Variants in SPG21 observed in about 807,000 individuals in gnomAD.
SPG21 encodes the protein SPG21 abhydrolase domain containing, maspardin.
In SPG21, 26 loss-of-function variants were observed where a neutral mutation model predicts 38.9. The observed-to-expected ratio is 0.67, with a 90% CI of 0.49 to 0.93. The LOEUF (loss-of-function observed/expected upper bound fraction) is 0.93. Ranked by LOEUF, SPG21 falls within the 40% of genes least tolerant of loss-of-function variation. The pLI is 0.00. For missense variants in SPG21, 333 were observed against 376.5 expected (o/e 0.88, Z 0.96); for synonymous variants, 136 against 128.9 (o/e 1.05, Z -0.37).
chr15:64,986,853 A>T (rs1199696885), intron 1 of SPG21, among the ~76,000 whole-genome samples: 1 of 152,236 alleles, frequency 6.6e-6, no homozygotes, highest in Non-Finnish European at 1.5e-5. Flanking sequence ...GACTTGAAAT[A>T]CTTCTATATC....
chr15:64,966,694 T>A (rs1395327760), intron 7 of SPG21, among the ~76,000 whole-genome samples: 1 of 151,950 alleles, frequency 6.6e-6, no homozygotes, highest in East Asian at 1.9e-4. Context: ...GGTCAGGAGA[T>A]CGAGACCATC....
At chr15:64,983,466 C>T (rs781107044) in intron 2 of SPG21, 41 bp downstream of exon 2, 5 of 1,379,534 alleles carry the variant, frequency 3.6e-6, no homozygotes, top group East Asian at 2.4e-5. Context: ...AAAAACAATA[C>T]AAGATTTTGC....
Position 64,981,007 on chromosome 15 carries a change from C to T in SPG21, c.82G>A (p.Asp28Asn). The T allele has an allele frequency of 1.2e-6, 2 of 1,614,134 alleles. No homozygotes were observed. The highest frequency in any genetic ancestry group is 1.7e-6 in the Non-Finnish European group (2 of 1,180,020). The change falls in exon 3 of 9, where the codon GAC (aspartate) becomes AAC (asparagine). Residue 28 changes from aspartate (D) to asparagine (N), a missense_variant. Physicochemically the swap from Asp to Asn is conservative, Grantham distance 23. Transcript: ENST00000204566. Reference sequence around the variant, plus strand: ...TCATAGAGCGACCATATCTTACTGTCATCATCATCCACAATAATCTGGAGG... The same window carrying T: ...TCATAGAGCGACCATATCTTACTGTTATCATCATCCACAATAATCTGGAGG... Reference protein sequence around the residue: ...PLKKIIVDDDDSKIWSLYDAG... With the variant: ...PLKKIIVDDDNSKIWSLYDAG...
In SPG21 at chr15:64,970,260, G is replaced by C. The variant is rs778745514; in HGVS notation, c.453-38C>G. ...AAGACCTTATAATTTAAACTTCCAAGACTACACATGGCAAATATTCATTCA... is the reference window on the plus strand; with the variant it reads ...AAGACCTTATAATTTAAACTTCCAACACTACACATGGCAAATATTCATTCA... On this transcript the variant is annotated intron_variant, in intron 5 of 8. Transcript: ENST00000204566. 2.0e-6 allele frequency: 3 copies of C among 1,487,678 alleles called. No individual in the cohort carries two copies. The Admixed American group carries it at 5.0e-5, about 25-fold the overall frequency. 92.2% of individuals were successfully genotyped at this position (1,487,678 alleles called of 1,614,324 possible).
intron 1 of SPG21, 125 bp from the exon 2 acceptor site, chr15:64,983,718 G>T (rs2085930468): frequency 1.5e-6 from 1 of 658,158 alleles, no homozygotes; most frequent in Admixed American, 2.3e-5. Context: ...TGGCTATTTT[G>T]TCAGTATATA....
intron 2 of SPG21, among the ~76,000 whole-genome samples, chr15:64,981,945 A>G (rs2085892906): frequency 6.6e-6 from 1 of 152,130 alleles, no homozygotes; most frequent in Admixed American, 6.5e-5. Context: ...TATGGACTCC[A>G]CAGTGTCACT....
chr15:64,977,416 T>C (rs1207768485), intron 3 of SPG21, among the ~76,000 whole-genome samples: 2 of 151,310 alleles, frequency 1.3e-5, no homozygotes, highest in East Asian at 2.0e-4. Flanking sequence ...CTGGAGTGCA[T>C]TGGCACGATT....
In SPG21 at chr15:64,969,253, A is replaced by G. The variant is rs1363150496; in HGVS notation, c.669+2T>C. The G allele has an allele frequency of 1.3e-6, 2 of 1,580,044 alleles. No individual in the cohort carries two copies. Among genetic ancestry groups the G allele is most frequent in the Non-Finnish European group, 1.7e-6 (2 of 1,148,944 alleles). ...AGCTATTTTACTTAAAAGGAAGCTT[A>G]CATCCATAATAGTTACAGGTATGTC... On this transcript the variant is annotated splice_donor_variant, in intron 7 of 8. Transcript: ENST00000204566. LOFTEE classifies it high-confidence loss of function.
chr15:64,976,614 G>GT, intron 3 of SPG21, 59 bp from the exon 4 acceptor site: 1 of 1,358,114 alleles, frequency 7.4e-7, no homozygotes, highest in Non-Finnish European at 1.0e-6. Flanking sequence ...TGCAACTCAC[G>GT]TATTTGAAAA....
At chr15:64,986,003 G>A (rs2085985565) in intron 1 of SPG21, among the ~76,000 whole-genome samples, 1 of 152,166 alleles carries the variant, frequency 6.6e-6, no homozygotes, top group Non-Finnish European at 1.5e-5. Flanking sequence ...GTCTTATACT[G>A]AAAATTAGTG....
chr15:64,965,823 T>G (rs755987824), intron 7 of SPG21, among the ~76,000 whole-genome samples: 3 of 151,946 alleles, frequency 2.0e-5, no homozygotes, highest in Non-Finnish European at 4.4e-5. Flanking sequence ...TGCCTCAGCC[T>G]CCTAAGTACC....
intron 8 of SPG21, among the ~76,000 whole-genome samples, chr15:64,964,595 T>TA (rs1392305799): frequency 6.6e-6 from 1 of 152,072 alleles, no homozygotes; most frequent in African/African-American, 2.4e-5. Context: ...TCCATTTAGT[T>TA]AGAGTATGAA....
chr15:64,974,273 C>T (rs917918684), intron 5 of SPG21, among the ~76,000 whole-genome samples: 1 of 152,114 alleles, frequency 6.6e-6, no homozygotes, highest in Non-Finnish European at 1.5e-5. Flanking sequence ...TAGAGACCAG[C>T]ATGGGACAAC....
At chr15:64,979,203 C>G (rs563769552) in intron 3 of SPG21, among the ~76,000 whole-genome samples, 1 of 152,300 alleles carries the variant, frequency 6.6e-6, no homozygotes, top group South Asian at 2.1e-4. Context: ...GAAGAAACAT[C>G]CAGCCAGAAG....
At chr15:64,972,114 T>A (rs1318504068) in intron 5 of SPG21, among the ~76,000 whole-genome samples, 1 of 152,234 alleles carries the variant, frequency 6.6e-6, no homozygotes, top group African/African-American at 2.4e-5. Flanking sequence ...AACTACCTTC[T>A]GATGCTTATT....
At chr15:64,964,609 A>T (rs2085507554) in intron 8 of SPG21, among the ~76,000 whole-genome samples, 1 of 151,584 alleles carries the variant, frequency 6.6e-6, no homozygotes, top group Non-Finnish European at 1.5e-5. Context: ...GTATGAAGGG[A>T]TGGTGTTTGT....
At position 64,980,854 on chromosome 15, in the gene SPG21, T is replaced by G. The variant is rs2085870659; in HGVS notation, c.225+10A>C. Reference sequence around the variant, plus strand: ...AAACGTGGGTCTGAATTTTAATCAGTAATACTTACAGCGATAACCCGGTAA... The same window carrying G: ...AAACGTGGGTCTGAATTTTAATCAGGAATACTTACAGCGATAACCCGGTAA... On this transcript the variant is annotated intron_variant, in intron 3 of 8. Coordinates refer to ENST00000204566, the MANE Select transcript of SPG21 (RefSeq NM_016630.7). 6.2e-7 allele frequency: 1 copy of G among 1,610,672 alleles called. No individual in the cohort carries two copies. The highest frequency in any genetic ancestry group is 1.3e-5 in the African/African-American group (1 of 74,118).
At chr15:64,980,712 C>T (rs945709613) in intron 3 of SPG21, 152 bp downstream of exon 3, 60 of 948,366 alleles carry the variant, frequency 6.3e-5, no homozygotes, top group South Asian at 3.7e-4. Flanking sequence ...CACTCCAGCC[C>T]GGGCGACAGA....
At chr15:64,979,982 A>G (rs1010453744) in intron 3 of SPG21, among the ~76,000 whole-genome samples, 1 of 152,214 alleles carries the variant, frequency 6.6e-6, no homozygotes, top group Admixed American at 6.5e-5. Context: ...ACAATCAGGA[A>G]CAAAAAAACT....
Sources: allele counts gnomAD v4.1 joint callset (sites outside exome capture counted in the v4.1 genomes callset), GRCh38; gene constraint gnomAD v4.1.1; transcripts MANE v1.5; gene names NCBI Gene and HGNC (gene_info 2026-07-23, HGNC 2026-07-21).